Variants in TMEM232 observed in about 807,000 individuals in gnomAD.
TMEM232 encodes the protein transmembrane protein 232.
TMEM232 carries 80 observed loss-of-function variants against 78.8 expected under a neutral mutation model. The ratio of observed to expected loss-of-function variants is 1.01; its 90% confidence interval spans 0.85 to 1.22. The LOEUF (loss-of-function observed/expected upper bound fraction) is 1.22, where lower values mean the gene tolerates loss of function less well. Among genes scored for constraint, TMEM232 ranks in the 50% most tolerant of loss-of-function variants. The pLI is 0.00. For synonymous variants in TMEM232, 297 were observed against 254.3 expected, an observed-to-expected ratio of 1.17 and a Z score of -1.60; for missense variants, 881 against 742.2, an observed-to-expected ratio of 1.19 and a Z score of -2.17.
chr5:110,425,299 T>G (rs1757114951), intron 12 of TMEM232, among the ~76,000 whole-genome samples: 1 of 152,154 alleles, frequency 6.6e-6, no homozygotes, highest in African/African-American at 2.4e-5. Context: ...GTAGACAGAT[T>G]AGCATAGTTC....
intron 1 of TMEM232, among the ~76,000 whole-genome samples, chr5:110,687,261 A>G (rs1276136960): frequency 6.6e-6 from 1 of 151,988 alleles, no homozygotes; most frequent in East Asian, 1.9e-4. Context: ...ATTGGTAAAC[A>G]GCTTAGGAAC....
chr5:110,586,334 C>A (rs1436914221), intron 10 of TMEM232, among the ~76,000 whole-genome samples: 2 of 151,876 alleles, frequency 1.3e-5, no homozygotes, highest in African/African-American at 4.8e-5. Context: ...GTTTATGAAA[C>A]CCTTCCTTGT....
intron 11 of TMEM232, among the ~76,000 whole-genome samples, chr5:110,559,014 G>T (rs982113687): frequency 6.6e-6 from 1 of 152,128 alleles, no homozygotes; most frequent in African/African-American, 2.4e-5. Flanking sequence ...ATTTTCCAGG[G>T]ATCTGCTCAG....
chr5:110,560,710 T>G (rs1184340294), intron 11 of TMEM232, among the ~76,000 whole-genome samples: 2 of 152,204 alleles, frequency 1.3e-5, no homozygotes, highest in Non-Finnish European at 2.9e-5. Flanking sequence ...TTTGTATTAC[T>G]GAGAAAATGC....
intron 11 of TMEM232, among the ~76,000 whole-genome samples, chr5:110,549,095 T>A (rs151128627): frequency 6.6e-6 from 1 of 152,176 alleles, no homozygotes; most frequent in East Asian, 1.9e-4. Flanking sequence ...TTATCACACT[T>A]TTTAGGATAT....
At chr5:110,565,465 T>G (rs1776235694) in intron 11 of TMEM232, among the ~76,000 whole-genome samples, 1 of 152,078 alleles carries the variant, frequency 6.6e-6, no homozygotes, top group South Asian at 2.1e-4. Context: ...ATCACTCAGC[T>G]TTCCTGTCTC....
chr5:110,638,173 C>T, intron 5 of TMEM232, 25 bp downstream of exon 5: 1 of 1,507,750 alleles, frequency 6.6e-7, no homozygotes, highest in Non-Finnish European at 8.9e-7. Context: ...TATTTAAAAA[C>T]ATTAAGAAGT....
intron 1 of TMEM232, among the ~76,000 whole-genome samples, chr5:110,713,012 G>T (rs878992778): frequency 6.6e-6 from 1 of 152,208 alleles, no homozygotes; most frequent in African/African-American, 2.4e-5. Flanking sequence ...CAACCTAAGC[G>T]TCCATCAACA....
rs558946311 is a variant in TMEM232, at chr5:110,652,694, C to T, written c.126-10323G>A. The stretch of plus-strand genomic sequence containing the variant: ...ACCAATTCCTGCCCATCACAATAGA[C>T]ATTATTGTAAAAATTAAAACTTATT... On this transcript the variant is annotated intron_variant, in intron 2 of 13. Coordinates refer to ENST00000455884, the MANE Select transcript of TMEM232 (RefSeq NM_001039763.4). 3.0e-3 allele frequency among the ~76,000 whole-genome samples: 454 copies of T among 152,180 alleles called. 3 individuals are homozygous for T. Among genetic ancestry groups the T allele is most frequent in the African/African-American group, 0.01 (433 of 41,532 alleles).
At chr5:110,683,650 T>C (rs1050757842) in intron 1 of TMEM232, among the ~76,000 whole-genome samples, 1 of 151,928 alleles carries the variant, frequency 6.6e-6, no homozygotes, top group Non-Finnish European at 1.5e-5. Context: ...ATTATTATTA[T>C]GCCTTTTTAG....
At chr5:110,486,987 T>C (rs1764535337) in intron 12 of TMEM232, among the ~76,000 whole-genome samples, 1 of 152,010 alleles carries the variant, frequency 6.6e-6, no homozygotes, top group Admixed American at 6.6e-5. Context: ...CTATGACTTC[T>C]TTCAGCAGTG....
upstream of TMEM232, among the ~76,000 whole-genome samples, chr5:110,729,663 T>C (rs547303823): frequency 1.8e-3 from 275 of 152,356 alleles, 1 homozygote; most frequent in African/African-American, 6.1e-3. Flanking sequence ...AAGATGAAAG[T>C]AGCAATAACT....
rs752951735 is a variant in TMEM232, at chr5:110,656,939, T to C, written c.125+10289A>G. On this transcript the variant is annotated intron_variant, in intron 2 of 13. Coordinates refer to ENST00000455884, the MANE Select transcript of TMEM232 (RefSeq NM_001039763.4). ...CAATTTTTTATTTATAACCAAAACATAATAATTGTACGTATTTATGGGATA... is the reference window on the plus strand; with the variant it reads ...CAATTTTTTATTTATAACCAAAACACAATAATTGTACGTATTTATGGGATA... Among the ~76,000 whole-genome samples the C allele has an allele frequency of 2.5e-4, 38 of 152,154 alleles. 1 individual carries two copies. The highest frequency in any genetic ancestry group is 1.6e-3 in the Admixed American group (25 of 15,274).
At chr5:110,730,714 A>G (rs1322064660), upstream of TMEM232, among the ~76,000 whole-genome samples, 1 of 152,154 alleles carries the variant, frequency 6.6e-6, no homozygotes, top group Non-Finnish European at 1.5e-5. Context: ...ATAGCACAGG[A>G]AAGACTGGCC....
intron 5 of TMEM232, among the ~76,000 whole-genome samples, chr5:110,633,682 T>C (rs899397564): frequency 1.3e-5 from 2 of 152,172 alleles, no homozygotes; most frequent in Admixed American, 6.6e-5. Context: ...TTTGCCATGA[T>C]TGTTAAGTTT....
intron 10 of TMEM232, among the ~76,000 whole-genome samples, chr5:110,579,942 A>G (rs930102647): frequency 1.4e-4 from 21 of 151,832 alleles, no homozygotes; most frequent in Admixed American, 7.2e-4. Context: ...TTAAGGATAC[A>G]CATAGGCTGA....
intron 2 of TMEM232, among the ~76,000 whole-genome samples, chr5:110,403,184 C>A (rs966253253): frequency 7.2e-5 from 11 of 152,154 alleles, no homozygotes; most frequent in Admixed American, 3.3e-4. Context: ...CTTGGTATTT[C>A]AATTCCAGAG....
chr5:110,441,951 C>A (rs1266948021), intron 12 of TMEM232, among the ~76,000 whole-genome samples: 1 of 151,940 alleles, frequency 6.6e-6, no homozygotes, highest in Admixed American at 6.6e-5. Flanking sequence ...ATGCCACTCT[C>A]TCCTGGCCTG....
At chr5:110,573,381 G>A (rs992043953) in intron 10 of TMEM232, among the ~76,000 whole-genome samples, 15 of 151,990 alleles carry the variant, frequency 9.9e-5, no homozygotes, top group Admixed American at 2.6e-4. Context: ...GTAGAATGTG[G>A]TTCAAAACAC....
Sources: allele counts gnomAD v4.1 joint callset (sites outside exome capture counted in the v4.1 genomes callset), GRCh38; gene constraint gnomAD v4.1.1; transcripts MANE v1.5; gene names NCBI Gene and HGNC (gene_info 2026-07-23, HGNC 2026-07-21).